BIRC6: variants seen among roughly 807,000 people sequenced by gnomAD.
The protein encoded by BIRC6 is baculoviral IAP repeat containing 6.
In BIRC6, 98 loss-of-function variants were observed where a neutral mutation model predicts 503.3. The observed-to-expected ratio is 0.19, with a 90% CI of 0.17 to 0.23. The LOEUF (loss-of-function observed/expected upper bound fraction) is 0.23, where lower values mean the gene tolerates loss of function less well. Among genes scored for constraint, BIRC6 ranks in the 10% least tolerant of loss-of-function variants. The pLI is 1.00. For missense variants in BIRC6, 5,360 were observed against 5,806.0 expected, an observed-to-expected ratio of 0.92 and a Z score of 2.50; for synonymous variants, 2,240 against 2,078.7, an observed-to-expected ratio of 1.08 and a Z score of -2.11.
At chr2:32,376,292 A>G (rs1258666996) in intron 1 of BIRC6, among the ~76,000 whole-genome samples, 1 of 152,154 alleles carries the variant, frequency 6.6e-6, no homozygotes, top group Non-Finnish European at 1.5e-5. Flanking sequence ...GGATATGATT[A>G]GGGTCACATG....
At chr2:32,375,521 T>C (rs1345595233) in intron 1 of BIRC6, among the ~76,000 whole-genome samples, 1 of 151,830 alleles carries the variant, frequency 6.6e-6, no homozygotes, top group Non-Finnish European at 1.5e-5. Context: ...ACTCCAGACC[T>C]TGTGATCCGC....
Position 32,543,336 on chromosome 2 carries a change from T to C in BIRC6, c.12387T>C (p.Val4129=), listed in dbSNP as rs1179469222. The C allele has an allele frequency of 5.6e-6, 9 of 1,613,856 alleles. No individual in the cohort carries two copies. The change falls in exon 62 of 74, where the codon GTT becomes GTC. Residue 4129 remains valine, a synonymous_variant. Coordinates refer to ENST00000421745, the MANE Select transcript of BIRC6 (RefSeq NM_016252.4). ...CCATTGAACAGTCAGGGGAGTTAGT[T>C]TATGAAGCACCAGAAACTGTTGCGG... ...WVTIEQSGEL[V]YEAPETVAAE... is the part of the protein sequence containing the mutation.
Position 32,361,782 on chromosome 2 carries a change from T to G in BIRC6, c.325+4296T>G, listed in dbSNP as rs578150170. On this transcript the variant is annotated intron_variant, in intron 1 of 73. Coordinates refer to ENST00000421745, the MANE Select transcript of BIRC6 (RefSeq NM_016252.4). ...TGCCTTATTCAGAATGTCATAGTTG[T>G]ATTTATACCGTTTGTAGACTTTTCA... Among the ~76,000 whole-genome samples, 17 of 152,322 alleles carry G rather than the reference T, an allele frequency of 1.1e-4. No homozygotes were observed. In the East Asian group the frequency reaches 2.7e-3, roughly 24 times the overall value.
chr2:32,537,557 A>G (rs992860802), intron 61 of BIRC6, among the ~76,000 whole-genome samples: 7 of 152,214 alleles, frequency 4.6e-5, no homozygotes, highest in Admixed American at 2.0e-4. Flanking sequence ...ATTTTCTACA[A>G]TTCTTCACCC....
chr2:32,593,569 A>T (rs568563156), intron 66 of BIRC6, among the ~76,000 whole-genome samples: 155 of 152,298 alleles, frequency 1.0e-3, no homozygotes, highest in Non-Finnish European at 1.5e-3. Flanking sequence ...AAATTTAAAA[A>T]CTGCTTGTGG....
At chr2:32,536,459 G>A (rs2057242254) in intron 61 of BIRC6, among the ~76,000 whole-genome samples, 1 of 152,068 alleles carries the variant, frequency 6.6e-6, no homozygotes, top group Non-Finnish European at 1.5e-5. Flanking sequence ...TTAAGTCTTT[G>A]ATGCATCTTG....
intron 4 of BIRC6, among the ~76,000 whole-genome samples, chr2:32,390,503 CAG>C (rs567240960): frequency 2.6e-5 from 4 of 152,084 alleles, no homozygotes; most frequent in African/African-American, 9.6e-5. Flanking sequence ...TTAGTAAAGA[CAG>C]GGTTTCACCA....
At chr2:32,485,452 G>A (rs1352680612) in intron 39 of BIRC6, among the ~76,000 whole-genome samples, 191 bp from the exon 40 acceptor site, 4 of 151,860 alleles carry the variant, frequency 2.6e-5, no homozygotes, top group Non-Finnish European at 5.9e-5. Flanking sequence ...ATAACCAATC[G>A]CCTGTCTCTA....
At position 32,442,430 on chromosome 2, in the gene BIRC6, G is replaced by T. The variant is rs1251461787; in HGVS notation, c.4213G>T (p.Ala1405Ser). 2 of 1,608,010 alleles carry T rather than the reference G, an allele frequency of 1.2e-6. No individual in the cohort carries two copies. Among genetic ancestry groups the T allele is most frequent in the South Asian group, 2.2e-5 (2 of 89,780 alleles). ...EAGRSIAHKC[A>S]RFLALCISNG... is the part of the protein sequence containing the mutation. Reference sequence around the variant, plus strand: ...AGGACGAAGTATAGCCCATAAGTGTGCCCGATTTCTAGCCTTGTGCATTAG... The same window carrying T: ...AGGACGAAGTATAGCCCATAAGTGTTCCCGATTTCTAGCCTTGTGCATTAG... Residue 1405 changes from alanine (A) to serine (S), a missense_variant, in exon 19 of 74, where the codon GCC (alanine) becomes TCC (serine). Physicochemically the swap from Ala to Ser is moderately conservative, Grantham distance 99. This residue lies in a region of BIRC6 where 2,299 missense variants were observed against 2,267.2 expected (regional missense o/e 1.01). Coordinates refer to ENST00000421745, the MANE Select transcript of BIRC6 (RefSeq NM_016252.4).
intron 5 of BIRC6, among the ~76,000 whole-genome samples, chr2:32,392,682 G>A (rs2039383623): frequency 6.6e-6 from 1 of 152,026 alleles, no homozygotes; most frequent in Non-Finnish European, 1.5e-5. Flanking sequence ...GAGTACAGTG[G>A]CCCTATCACC....
At chr2:32,499,079 T>A (rs2052836973) in intron 45 of BIRC6, among the ~76,000 whole-genome samples, 1 of 152,220 alleles carries the variant, frequency 6.6e-6, no homozygotes, top group Non-Finnish European at 1.5e-5. Flanking sequence ...ATTCTATATC[T>A]TAGGCATAAA....
intron 33 of BIRC6, among the ~76,000 whole-genome samples, chr2:32,475,710 T>A (rs2049680029): frequency 6.6e-6 from 1 of 152,180 alleles, no homozygotes; most frequent in Non-Finnish European, 1.5e-5. Context: ...AAGAGATTTC[T>A]GTATTATTTC....
In BIRC6 at chr2:32,464,842, A is replaced by C; in HGVS notation, c.5256+19A>C. 6.3e-7 allele frequency: 1 copy of C among 1,583,258 alleles called. No homozygotes were observed. Among genetic ancestry groups the C allele is most frequent in the Non-Finnish European group, 8.6e-7 (1 of 1,164,206 alleles). ...CAGAATGGTAAATTATGTTTTAAAT[A>C]GGTGTTGGCTTAGACATTTAAAAAT... On this transcript the variant is annotated intron_variant, in intron 25 of 73. Coordinates refer to ENST00000421745, the MANE Select transcript of BIRC6 (RefSeq NM_016252.4).
chr2:32,513,392 A>T (rs1436677051), intron 54 of BIRC6, among the ~76,000 whole-genome samples: 2 of 152,162 alleles, frequency 1.3e-5, no homozygotes, highest in Non-Finnish European at 2.9e-5. Context: ...CTTAATGTAG[A>T]TGTTGCTGTG....
intron 8 of BIRC6, among the ~76,000 whole-genome samples, chr2:32,402,259 C>A (rs1285860902): frequency 6.6e-6 from 1 of 152,162 alleles, no homozygotes; most frequent in African/African-American, 2.4e-5. Flanking sequence ...CACTTGTTTC[C>A]TAAGAACCAC....
intron 45 of BIRC6, among the ~76,000 whole-genome samples, chr2:32,495,614 C>T (rs540800081): frequency 2.6e-4 from 40 of 152,216 alleles, no homozygotes; most frequent in Admixed American, 9.8e-4. Context: ...TTTTAAAATT[C>T]TAGATGTAAT....
chr2:32,500,160 T>G (rs2052980794), intron 46 of BIRC6, 51 bp downstream of exon 46: 1 of 1,424,734 alleles, frequency 7.0e-7, no homozygotes, highest in Admixed American at 2.3e-5. Flanking sequence ...CTATAACTGG[T>G]TTTTTTTTAA....
At chr2:32,607,975 C>CAAAAAAAA (rs35242178) in intron 72 of BIRC6, among the ~76,000 whole-genome samples, 4 of 51,930 alleles carry the variant, frequency 7.7e-5, no homozygotes, top group Admixed American at 3.8e-4. Flanking sequence ...ACTCCATCTC[C>CAAAAAAAA]AAAAAAAAAA....
At chr2:32,556,984 T>A (rs1170541932) in intron 65 of BIRC6, among the ~76,000 whole-genome samples, 2 of 152,128 alleles carry the variant, frequency 1.3e-5, no homozygotes, top group African/African-American at 4.8e-5. Context: ...ACTTAGAGAA[T>A]ATATTAAAAT....
Sources: allele counts gnomAD v4.1 joint callset (sites outside exome capture counted in the v4.1 genomes callset), GRCh38; gene constraint gnomAD v4.1.1; regional missense constraint gnomAD v4.1.1; transcripts MANE v1.5; gene names NCBI Gene and HGNC (gene_info 2026-07-23, HGNC 2026-07-21).